IFITM10: variants seen among roughly 807,000 people sequenced by gnomAD.
IFITM10 encodes the protein interferon-induced transmembrane protein 10.
In IFITM10, 17 loss-of-function variants were observed where a neutral mutation model predicts 19.0. That is an observed-to-expected ratio of 0.90 (90% confidence interval 0.61 to 1.34). The LOEUF is 1.34. Among genes scored for constraint, IFITM10 ranks in the 40% most tolerant of loss-of-function variants. The pLI, the probability that IFITM10 is intolerant of heterozygous loss-of-function variation, is 0.00. For missense variants in IFITM10, 306 were observed against 319.8 expected (o/e 0.96, Z 0.33); for synonymous variants, 148 against 147.2 (o/e 1.01, Z -0.04).
rs1016971383 is a variant in IFITM10, at chr11:1,734,042, C to A, written c.*1238G>T. 1 of 152,480 alleles carries A rather than the reference C, an allele frequency of 6.6e-6. No individual in the cohort carries two copies. Among genetic ancestry groups the A allele is most frequent in the East Asian group, 1.9e-4 (1 of 5,162 alleles). 9.4% of individuals were successfully genotyped at this position (152,480 alleles called of 1,614,324 possible). A position where few individuals can be genotyped will look rare whatever the true frequency, so the allele number is the denominator to read the frequency against. On this transcript the variant is annotated 3_prime_UTR_variant, in exon 3 of 3. Transcript: ENST00000340134. The stretch of plus-strand genomic sequence containing the variant: ...CGCACCTGAGCTGCGGGATTTCCTG[C>A]GGTTTCCCAGACCAGCTGGGCACCC...
chr11:1,747,928 C>T lies in IFITM10; in HGVS notation c.276G>A (p.Glu92=). 1.3e-6 allele frequency: 2 copies of T among 1,484,344 alleles called. No individual in the cohort carries two copies. The highest frequency in any genetic ancestry group is 1.8e-6 in the Non-Finnish European group (2 of 1,113,606). The allele number at this position is 1,484,344 out of a possible 1,614,324, so 91.9% of individuals were successfully genotyped here. A position where few individuals can be genotyped will look rare whatever the true frequency, so the allele number is the denominator to read the frequency against. Residue 92 remains glutamate, a synonymous_variant, in exon 2 of 3, where the codon GAG becomes GAA. Transcript: ENST00000340134. ...ALQAPAAPAP[E]PSASPPMAPT... is the part of the protein sequence containing the mutation. ...GCGCCATCGGGGGAGAGGCCGAGGG[C>T]TCAGGGGCAGGGGCCGCCGGAGCCT... is the stretch of plus-strand genomic sequence containing the variant.
chr11:1,735,194 A>C lies in IFITM10; in HGVS notation c.*86T>G. ...AGGACAAGAAGCCCTGCCCTGCCCC[A>C]ACCTCATGGGATCCTGCGTTTCAGG... is the stretch of plus-strand genomic sequence containing the variant. On this transcript the variant is annotated 3_prime_UTR_variant, in exon 3 of 3. Transcript: ENST00000340134. The C allele has an allele frequency of 6.9e-7, 1 of 1,453,748 alleles. No individual in the cohort carries two copies. The highest frequency in any genetic ancestry group is 1.3e-5 in the South Asian group (1 of 75,692). The allele number at this position is 1,453,748 out of a possible 1,614,324, so 90.1% of individuals were successfully genotyped here.
chr11:1,745,190 C>G (rs1845624205), intron 2 of IFITM10: 1 of 152,860 alleles, frequency 6.5e-6, no homozygotes, highest in East Asian at 1.9e-4. Context: ...CCAGAAATCC[C>G]TGACCTACCT....
At chr11:1,735,698 T>G (rs138363716) in intron 2 of IFITM10, among the ~76,000 whole-genome samples, 41 of 152,282 alleles carry the variant, frequency 2.7e-4, no homozygotes, top group East Asian at 1.5e-3. Flanking sequence ...TTTATATATA[T>G]AGAGAAAAGC....
chr11:1,746,963 A>C lies in IFITM10; in HGVS notation c.537+704T>G, dbSNP rs181142533. ...ACACACGGCTGCCCCTCTCACTGTG[A>C]GCCCATCACAGCCTCCCTCCCACCA... On this transcript the variant is annotated intron_variant, in intron 2 of 2. Transcript: ENST00000340134. Among the ~76,000 whole-genome samples the C allele has an allele frequency of 2.1e-3, 326 of 152,048 alleles. 2 individuals carry two copies. Among genetic ancestry groups the C allele is most frequent in the African/African-American group, 7.4e-3 (309 of 41,480 alleles).
At chr11:1,741,766 T>G (rs973104937) in intron 2 of IFITM10, among the ~76,000 whole-genome samples, 6 of 152,100 alleles carry the variant, frequency 3.9e-5, no homozygotes, top group Non-Finnish European at 8.8e-5. Context: ...AATGTTATGG[T>G]TTGACTGTTC....
chr11:1,748,924 T>C, intron 1 of IFITM10: 2 of 487,928 alleles, frequency 4.1e-6, no homozygotes, highest in Non-Finnish European at 5.4e-6. Context: ...CCAGCTCCCG[T>C]GCGGCGCTCG....
intron 2 of IFITM10, chr11:1,746,099 AC>A (rs1260221812): frequency 6.5e-6 from 1 of 153,774 alleles, no homozygotes; most frequent in East Asian, 1.9e-4. Context: ...GCACACAGGT[AC>A]ATACAGCGCA....
chr11:1,749,110 C>A, intron 1 of IFITM10: 1 of 1,099,156 alleles, frequency 9.1e-7, no homozygotes, highest in South Asian at 2.0e-5. Context: ...CACTGATCCG[C>A]CTCCCAGCGG....
intron 2 of IFITM10, among the ~76,000 whole-genome samples, chr11:1,741,097 C>T (rs981763047): frequency 2.6e-5 from 4 of 152,016 alleles, no homozygotes; most frequent in African/African-American, 9.7e-5. Context: ...GCCAATTAAA[C>T]CTCTTTTCTT....
intron 1 of IFITM10, 25 bp downstream of exon 1, chr11:1,750,334 C>T (rs1445658268): frequency 6.4e-7 from 1 of 1,550,496 alleles, no homozygotes; most frequent in Admixed American, 2.0e-5. Flanking sequence ...ACGCAGGTTC[C>T]CTGAGCTGGG....
In IFITM10 at chr11:1,747,851, GC is replaced by G; in HGVS notation, c.352del (p.Ala118LeufsTer11). The G allele has an allele frequency of 1.3e-6, 2 of 1,543,040 alleles. No homozygotes were observed. Among genetic ancestry groups the G allele is most frequent in the Non-Finnish European group, 1.8e-6 (2 of 1,142,026 alleles). On this transcript the variant is annotated frameshift_variant, in exon 2 of 3. Transcript: ENST00000340134. LOFTEE classifies it high-confidence loss of function. ...CTTGCAGGCAGGGGGCGCGCCGGCA[GC>G]CCGCACGCTGTCGGTCTTGCTGCTC... ...SKSSKTDSVR[A>X]AGAPPACKHL...
intron 2 of IFITM10, among the ~76,000 whole-genome samples, chr11:1,743,216 TGAA>T (rs1401457028): frequency 1.4e-5 from 2 of 142,002 alleles, no homozygotes; most frequent in Admixed American, 7.0e-5. Context: ...GATGGACAGA[TGAA>T]GAATGGACAA....
At chr11:1,737,078 C>T (rs1292130894) in intron 2 of IFITM10, among the ~76,000 whole-genome samples, 1 of 152,148 alleles carries the variant, frequency 6.6e-6, no homozygotes, top group Non-Finnish European at 1.5e-5. Flanking sequence ...CTGACATCTG[C>T]AATGAAATTT....
At chr11:1,747,314 C>G (rs55647838) in intron 2 of IFITM10, among the ~76,000 whole-genome samples, 4 of 152,108 alleles carry the variant, frequency 2.6e-5, no homozygotes, top group Non-Finnish European at 5.9e-5. Flanking sequence ...TGGCTGCTGC[C>G]CAGGTCTACG....
intron 2 of IFITM10, among the ~76,000 whole-genome samples, chr11:1,743,051 G>T (rs1314998834): frequency 6.6e-6 from 1 of 150,876 alleles, no homozygotes; most frequent in Non-Finnish European, 1.5e-5. Flanking sequence ...ATGGATGAAG[G>T]ATGGATGGAG....
chr11:1,740,689 A>C (rs979803791), intron 2 of IFITM10, among the ~76,000 whole-genome samples: 6 of 152,228 alleles, frequency 3.9e-5, no homozygotes, highest in Non-Finnish European at 5.9e-5. Flanking sequence ...GATGAGGTCT[A>C]GGGCAGAGAT....
At chr11:1,737,889 T>C (rs886782367) in intron 2 of IFITM10, among the ~76,000 whole-genome samples, 1 of 152,180 alleles carries the variant, frequency 6.6e-6, no homozygotes, top group Non-Finnish European at 1.5e-5. Context: ...ATTTCTTTGT[T>C]GGATACTTGG....
intron 2 of IFITM10, among the ~76,000 whole-genome samples, chr11:1,738,904 C>T (rs1297785401): frequency 6.6e-6 from 1 of 151,590 alleles, no homozygotes; most frequent in Non-Finnish European, 1.5e-5. Context: ...ACTAAAAATA[C>T]AAAAAAATTA....
Sources: gnomAD v4.1 joint callset for allele counts (sites outside exome capture counted in the v4.1 genomes callset) on GRCh38, gnomAD v4.1.1 for gene constraint, MANE v1.5 for transcripts, NCBI Gene and HGNC (gene_info 2026-07-23, HGNC 2026-07-21) for gene names.